DOCK2: variants seen among roughly 807,000 people sequenced by gnomAD.
The protein encoded by DOCK2 is dedicator of cytokinesis protein 2.
A neutral mutation model predicts 248.9 loss-of-function variants in DOCK2; 87 were observed. That is an observed-to-expected ratio of 0.35 (90% CI 0.29 to 0.42). The LOEUF is 0.42. Among genes scored for constraint, DOCK2 ranks in the 10% least tolerant of loss-of-function variants. The pLI is 1.00. For synonymous variants in DOCK2, 805 were observed against 821.6 expected (o/e 0.98, Z 0.35); for missense variants, 1,747 against 2,300.2 (o/e 0.76, Z 4.92).
rs112926455 is a variant in DOCK2, at chr5:169,705,683, T to C, written c.1384-2486T>C. Among the ~76,000 whole-genome samples the C allele has an allele frequency of 2.9e-3, 436 of 152,324 alleles. 3 individuals are homozygous for C. The highest frequency in any genetic ancestry group is 0.01 in the African/African-American group (419 of 41,566). ...CCCAGCCTGATTCCTACCTTAGGCA[T>C]GCTAATCGACATCCCATGATGTGGT... On this transcript the variant is annotated intron_variant, in intron 14 of 51. Transcript: ENST00000520908.
At chr5:169,903,031 G>A (rs1005271452) in intron 27 of DOCK2, among the ~76,000 whole-genome samples, 2 of 151,962 alleles carry the variant, frequency 1.3e-5, no homozygotes, top group African/African-American at 4.8e-5. Flanking sequence ...AAAGGAGGTG[G>A]AGGTTGCAGT....
rs117803814 is a variant in DOCK2 at position 169,843,773 on chromosome 5, C to G, written c.2799+2921C>G. Among the ~76,000 whole-genome samples, 44 of 152,284 alleles carry G rather than the reference C, an allele frequency of 2.9e-4. No homozygotes were observed. The East Asian group carries it at 8.1e-3, about 28-fold the overall frequency. On this transcript the variant is annotated intron_variant, in intron 27 of 51. Coordinates refer to ENST00000520908, the MANE Select transcript of DOCK2 (RefSeq NM_004946.3). ...TTTTCATCTCCATAGATTACCTTTT[C>G]TGGAAAATTTTATATAAATGAAATC... is the stretch of plus-strand genomic sequence containing the variant.
At chr5:169,760,341 T>C (rs1395634108) in intron 24 of DOCK2, among the ~76,000 whole-genome samples, 1 of 152,352 alleles carries the variant, frequency 6.6e-6, no homozygotes, top group African/African-American at 2.4e-5. Context: ...TAAATACTTA[T>C]AGATTTAGAA....
chr5:169,654,565 G>A (rs1757991545), intron 2 of DOCK2, 79 bp downstream of exon 2: 1 of 1,472,726 alleles, frequency 6.8e-7, no homozygotes, highest in Non-Finnish European at 9.4e-7. Context: ...CCTCAGCGCT[G>A]TCTCTGAACC....
chr5:169,964,222 G>C (rs1366299867), intron 27 of DOCK2, among the ~76,000 whole-genome samples: 1 of 152,100 alleles, frequency 6.6e-6, no homozygotes, highest in Non-Finnish European at 1.5e-5. Flanking sequence ...CTTTATCCTC[G>C]GTGACCACAG....
chr5:169,787,560 C>G (rs1055111814), intron 25 of DOCK2, among the ~76,000 whole-genome samples: 1 of 152,156 alleles, frequency 6.6e-6, no homozygotes, highest in African/African-American at 2.4e-5. Flanking sequence ...TTAACCTTGT[C>G]CTTTTGATAG....
chr5:169,873,288 C>A (rs1162826389), intron 27 of DOCK2, among the ~76,000 whole-genome samples: 1 of 152,208 alleles, frequency 6.6e-6, no homozygotes, highest in South Asian at 2.1e-4. Flanking sequence ...CCTGTTGGGA[C>A]TCAGAGAAAT....
At chr5:169,644,285 T>C (rs914060469) in intron 1 of DOCK2, among the ~76,000 whole-genome samples, 1 of 152,016 alleles carries the variant, frequency 6.6e-6, no homozygotes, top group Non-Finnish European at 1.5e-5. Context: ...TCAGGGGGAA[T>C]TAAATGTGGA....
chr5:169,667,648 C>T (rs1758815928), intron 2 of DOCK2, among the ~76,000 whole-genome samples: 1 of 152,196 alleles, frequency 6.6e-6, no homozygotes, highest in Non-Finnish European at 1.5e-5. Flanking sequence ...GTGTGACCAT[C>T]AGCAAGCTGC....
intron 27 of DOCK2, among the ~76,000 whole-genome samples, chr5:169,878,869 A>G (rs1470625773): frequency 6.6e-6 from 1 of 152,210 alleles, no homozygotes; most frequent in Non-Finnish European, 1.5e-5. Context: ...CAAAGGATCC[A>G]TTCACCTTTA....
At chr5:169,670,955 G>T (rs533848352) in intron 4 of DOCK2, 123 bp from the exon 5 acceptor site, 10 of 707,110 alleles carry the variant, frequency 1.4e-5, no homozygotes, top group Non-Finnish European at 2.2e-5. Flanking sequence ...GCTATTGGAG[G>T]TGTTTTAGTC....
intron 46 of DOCK2, among the ~76,000 whole-genome samples, chr5:170,072,409 A>G (rs76681648): frequency 0.12 from 17,997 of 152,254 alleles, 1,254 homozygotes; most frequent in Non-Finnish European, 0.16. Flanking sequence ...CTAAATTACC[A>G]ATAATATATC....
rs913713907 is a variant in DOCK2, at chr5:169,761,540, C to T, written c.2469C>T (p.Tyr823=). 14 of 1,613,998 alleles carry T rather than the reference C, an allele frequency of 8.7e-6. No individual in the cohort carries two copies. The highest frequency in any genetic ancestry group is 1.7e-5 in the Admixed American group (1 of 60,008). The part of the protein sequence containing the change: ...KLLSQLLYEF[Y]TCIPPVKLQK... ...TCAGCCAACTCCTGTATGAGTTCTA[C>T]ACCTGCATCCCTCCTGTGAAACTCC... Residue 823 remains tyrosine, a synonymous_variant, in exon 25 of 52, where the codon TAC becomes TAT. Transcript: ENST00000520908.
At chr5:169,666,666 T>G (rs542538345) in intron 2 of DOCK2, among the ~76,000 whole-genome samples, 1 of 152,158 alleles carries the variant, frequency 6.6e-6, no homozygotes, top group East Asian at 1.9e-4. Flanking sequence ...CTGGCAGAAG[T>G]AAAAATGCCA....
At position 169,669,298 on chromosome 5, in the gene DOCK2, G is replaced by C. The variant is rs745945611; in HGVS notation, c.138G>C (p.Arg46Ser). The C allele has an allele frequency of 6.2e-7, 1 of 1,614,036 alleles. No homozygotes were observed. The highest frequency in any genetic ancestry group is 8.5e-7 in the Non-Finnish European group (1 of 1,179,974). ...GTTTTCTTTTTGCAGACTGGTATAG[G>C]GGATACCTCATAAAGCACAAAATGT... ...RIQETCGDWY[R>S]GYLIKHKMLQ... The change falls in exon 3 of 52, where the codon AGG becomes AGC. Residue 46 changes from arginine to serine, a missense_variant. Arg to Ser is a moderately radical substitution (Grantham distance 110). Around this residue, in one of 4 missense-constraint regions of DOCK2, gnomAD observed 375 missense variants for 510.9 expected, o/e 0.73. Transcript: ENST00000520908.
chr5:169,893,028 T>C (rs1482949380), intron 27 of DOCK2, among the ~76,000 whole-genome samples: 8 of 152,200 alleles, frequency 5.3e-5, no homozygotes, highest in African/African-American at 1.9e-4. Flanking sequence ...CTTCCTTCAT[T>C]TCTTTTGTTC....
chr5:169,829,858 C>G (rs533296207), intron 26 of DOCK2, among the ~76,000 whole-genome samples: 1 of 152,206 alleles, frequency 6.6e-6, no homozygotes, highest in South Asian at 2.1e-4. Flanking sequence ...GTCTAAAGAG[C>G]TCCAAGAAAG....
intron 26 of DOCK2, among the ~76,000 whole-genome samples, chr5:169,831,773 G>C (rs955160178): frequency 6.6e-6 from 1 of 152,272 alleles, no homozygotes; most frequent in South Asian, 2.1e-4. Context: ...ATTAGCTATG[G>C]TTCCTCAAAA....
At chr5:170,039,006 G>C (rs779411618) in intron 36 of DOCK2, among the ~76,000 whole-genome samples, 1 of 152,206 alleles carries the variant, frequency 6.6e-6, no homozygotes, top group Non-Finnish European at 1.5e-5. Flanking sequence ...GGTTAACTCC[G>C]ATTGGCAGAA....
Sources: gnomAD v4.1 joint callset for allele counts (sites outside exome capture counted in the v4.1 genomes callset) on GRCh38, gnomAD v4.1.1 for gene constraint, gnomAD v4.1.1 regional missense constraint, MANE v1.5 for transcripts, NCBI Gene and HGNC (gene_info 2026-07-23, HGNC 2026-07-21) for gene names.